Variants in SUFU observed in about 807,000 individuals in gnomAD.
SUFU encodes the protein SUFU negative regulator of hedgehog signaling, also known as suppressor of fused homolog.
In SUFU, 7 loss-of-function variants were observed where a neutral mutation model predicts 58.9. The observed-to-expected ratio is 0.12, with a 90% CI of 0.07 to 0.22. SUFU has a LOEUF of 0.22. SUFU is among the 10% of genes least tolerant of loss of function. SUFU has a pLI of 1.00. For synonymous variants in SUFU, 232 were observed against 254.8 expected, an observed-to-expected ratio of 0.91 and a Z score of 0.85; for missense variants, 451 against 641.3, an observed-to-expected ratio of 0.70 and a Z score of 3.20.
intron 2 of SUFU, among the ~76,000 whole-genome samples, chr10:102,537,779 A>G (rs1171491931): frequency 1.3e-5 from 2 of 152,170 alleles, no homozygotes; most frequent in Admixed American, 6.5e-5. Flanking sequence ...GTGTATACCA[A>G]TTTGGCTTGT....
intron 3 of SUFU, among the ~76,000 whole-genome samples, chr10:102,551,950 C>T (rs2062922754): frequency 6.6e-6 from 1 of 151,710 alleles, no homozygotes; most frequent in African/African-American, 2.4e-5. Context: ...CGGTCTCGAT[C>T]TCCTGACCTC....
chr10:102,527,498 G>GATATATAT (rs60387903), intron 2 of SUFU, among the ~76,000 whole-genome samples: 6,989 of 148,202 alleles, frequency 0.047, 158 homozygotes, highest in Non-Finnish European at 0.049. Context: ...ATACCATTAA[G>GATATATAT]ATATATATAT....
Position 102,632,433 on chromosome 10 carries a change from C to G in SUFU, c.*2278C>G, listed in dbSNP as rs530131484. ...CCTGCAGGGGCCAGGCTCCATCTCA[C>G]TGGCTCTGAGGGCAGGACAGGGTAT... On this transcript the variant is annotated 3_prime_UTR_variant, in exon 12 of 12. Transcript: ENST00000369902. 5 of 233,320 alleles carry G rather than the reference C, an allele frequency of 2.1e-5. No individual in the cohort carries two copies. Among genetic ancestry groups the G allele is most frequent in the South Asian group, 1.8e-4 (1 of 5,532 alleles). 14.5% of individuals were successfully genotyped at this position (233,320 alleles called of 1,614,324 possible).
At chr10:102,524,226 G>A (rs1228737419) in intron 2 of SUFU, among the ~76,000 whole-genome samples, 38 of 150,774 alleles carry the variant, frequency 2.5e-4, no homozygotes, top group Middle Eastern at 3.4e-3. Context: ...GGCTGGTCTC[G>A]GACTCCTGGA....
At chr10:102,566,326 A>G (rs1227617862) in intron 3 of SUFU, among the ~76,000 whole-genome samples, 1 of 152,202 alleles carries the variant, frequency 6.6e-6, no homozygotes, top group Non-Finnish European at 1.5e-5. Flanking sequence ...CATTATACAT[A>G]GAAACAATCA....
chr10:102,605,609 A>G (rs2063555844), intron 8 of SUFU, among the ~76,000 whole-genome samples: 1 of 152,210 alleles, frequency 6.6e-6, no homozygotes, highest in Admixed American at 6.5e-5. Context: ...CAGAATAACC[A>G]GGTTATACAG....
At chr10:102,516,005 T>C (rs1360151066) in intron 2 of SUFU, among the ~76,000 whole-genome samples, 2 of 152,158 alleles carry the variant, frequency 1.3e-5, no homozygotes, top group Non-Finnish European at 2.9e-5. Flanking sequence ...ACAGGGACTC[T>C]CCAGAGCCCT....
At chr10:102,512,962 G>C (rs1405273891) in intron 2 of SUFU, among the ~76,000 whole-genome samples, 2 of 151,976 alleles carry the variant, frequency 1.3e-5, no homozygotes, top group Non-Finnish European at 2.9e-5. Flanking sequence ...TAGCTGCTTG[G>C]GGGGCTGAGG....
At chr10:102,556,736 C>CAA (rs763209229) in intron 3 of SUFU, among the ~76,000 whole-genome samples, 35 of 61,628 alleles carry the variant, frequency 5.7e-4, no homozygotes, top group African/African-American at 1.1e-3. Flanking sequence ...GAGTGAGACT[C>CAA]AAAAAAAAAA....
chr10:102,558,972 A>G (rs910145092), intron 3 of SUFU, among the ~76,000 whole-genome samples: 22 of 152,214 alleles, frequency 1.4e-4, no homozygotes, highest in Non-Finnish European at 2.9e-4. Flanking sequence ...AGGAGGGGCA[A>G]TTCCAGGGTT....
intron 3 of SUFU, among the ~76,000 whole-genome samples, chr10:102,563,077 C>T (rs1036792266): frequency 3.9e-5 from 6 of 152,150 alleles, no homozygotes; most frequent in African/African-American, 1.4e-4. Context: ...GAGCAAGCCT[C>T]CAGGGACAGT....
intron 2 of SUFU, among the ~76,000 whole-genome samples, chr10:102,514,446 CA>C (rs1213843309): frequency 6.6e-6 from 1 of 152,156 alleles, no homozygotes; most frequent in Non-Finnish European, 1.5e-5. Context: ...TAAAGGAAAC[CA>C]GGCAAGAGAG....
chr10:102,532,307 G>T (rs1196774816), intron 2 of SUFU, among the ~76,000 whole-genome samples: 1 of 152,124 alleles, frequency 6.6e-6, no homozygotes, highest in African/African-American at 2.4e-5. Flanking sequence ...GATGCCAGAG[G>T]GCCCAGGAGC....
At chr10:102,518,699 A>T (rs2062506414) in intron 2 of SUFU, among the ~76,000 whole-genome samples, 1 of 151,986 alleles carries the variant, frequency 6.6e-6, no homozygotes, top group Non-Finnish European at 1.5e-5. Context: ...GGCATGCACC[A>T]TCATGCCTGG....
chr10:102,527,881 C>T (rs1308853466), intron 2 of SUFU, among the ~76,000 whole-genome samples: 1 of 152,200 alleles, frequency 6.6e-6, no homozygotes, highest in African/African-American at 2.4e-5. Context: ...TGCCTTGCCT[C>T]TTGGGTCAGT....
In SUFU at chr10:102,543,636, A is replaced by T. The variant is rs1051093309; in HGVS notation, c.318-6334A>T. ...GCAACCATTAATCCACTTTCCCCAT[A>T]GATTTGTCCATTCTGGACATTTGAT... On this transcript the variant is annotated intron_variant, in intron 2 of 11. Coordinates refer to ENST00000369902, the MANE Select transcript of SUFU (RefSeq NM_016169.4). 3.3e-5 allele frequency among the ~76,000 whole-genome samples: 5 copies of T among 152,306 alleles called. No homozygotes were observed. The East Asian group carries it at 7.7e-4, about 23-fold the overall frequency.
At chr10:102,560,579 A>G (rs1249565298) in intron 3 of SUFU, among the ~76,000 whole-genome samples, 1 of 152,212 alleles carries the variant, frequency 6.6e-6, no homozygotes, top group Non-Finnish European at 1.5e-5. Context: ...AGTCTCAAAA[A>G]AAAAGAACTT....
Position 102,622,894 on chromosome 10 carries a change from G to A in SUFU, c.1297-4281G>A, listed in dbSNP as rs1314101933. On this transcript the variant is annotated intron_variant, in intron 10 of 11. Coordinates refer to ENST00000369902, the MANE Select transcript of SUFU (RefSeq NM_016169.4). ...TAATCCCAGCTACTTGAGAGACTGA[G>A]GCAGGAGAATCACTTGAACCCAGGA... Among the ~76,000 whole-genome samples, 3 of 151,384 alleles carry A rather than the reference G, an allele frequency of 2.0e-5. No individual in the cohort carries two copies. The East Asian group carries it at 5.8e-4, about 29-fold the overall frequency.
chr10:102,595,911 C>T (rs2063456832), intron 6 of SUFU, among the ~76,000 whole-genome samples: 1 of 152,126 alleles, frequency 6.6e-6, no homozygotes, highest in Non-Finnish European at 1.5e-5. Context: ...ACAAGTTGAG[C>T]CAAGAATTGT....
Sources: gnomAD v4.1 joint callset for allele counts (sites outside exome capture counted in the v4.1 genomes callset) on GRCh38, gnomAD v4.1.1 for gene constraint, MANE v1.5 for transcripts, NCBI Gene and HGNC (gene_info 2026-07-23, HGNC 2026-07-21) for gene names.